ASB14: variants seen among roughly 807,000 people sequenced by gnomAD.
ASB14 encodes ankyrin repeat and SOCS box protein 14.
In ASB14, 63 loss-of-function variants were observed where a neutral mutation model predicts 55.6. The observed-to-expected ratio is 1.13, with a 90% CI of 0.92 to 1.40. ASB14 has a LOEUF of 1.40. Among genes scored for constraint, ASB14 ranks in the 40% most tolerant of loss-of-function variants. ASB14 has a pLI of 0.00. For synonymous variants in ASB14, 256 were observed against 259.9 expected, an observed-to-expected ratio of 0.98 and a Z score of 0.15; for missense variants, 724 against 710.4, an observed-to-expected ratio of 1.02 and a Z score of -0.22.
At chr3:57,271,743 G>T (rs1472821709) in intron 10 of ASB14, 1 of 152,184 alleles carries the variant, frequency 6.6e-6, no homozygotes, top group Non-Finnish European at 1.5e-5. Flanking sequence ...AGGGATGCTG[G>T]ACAGACCTGT....
intron 10 of ASB14, chr3:57,273,048 A>G (rs978659273): frequency 6.6e-6 from 1 of 152,650 alleles, no homozygotes; most frequent in African/African-American, 2.4e-5. Flanking sequence ...GTCTTTCTAC[A>G]TTAACTAGTA....
chr3:57,283,137 A>T (rs1559522747), intron 6 of ASB14, 57 bp downstream of exon 6: 1 of 1,534,308 alleles, frequency 6.5e-7, no homozygotes, highest in East Asian at 2.5e-5. Flanking sequence ...CATTAAGAGG[A>T]GAACCCCTGG....
intron 2 of ASB14, among the ~76,000 whole-genome samples, chr3:57,291,416 C>T (rs973586722): frequency 6.6e-6 from 1 of 152,056 alleles, no homozygotes; most frequent in Non-Finnish European, 1.5e-5. Flanking sequence ...TCCCACTGGT[C>T]CTTTTTCAGT....
intron 2 of ASB14, among the ~76,000 whole-genome samples, chr3:57,289,649 T>C (rs1214428866): frequency 6.6e-6 from 1 of 152,002 alleles, no homozygotes; most frequent in Admixed American, 6.6e-5. Context: ...ATGAAACTTA[T>C]TTTAAAACCT....
intron 7 of ASB14, among the ~76,000 whole-genome samples, chr3:57,279,138 C>A (rs1328610846): frequency 1.3e-5 from 2 of 151,712 alleles, no homozygotes; most frequent in Non-Finnish European, 2.9e-5. Context: ...AGAATTAGCT[C>A]AGAGGCCTGA....
rs767359318 is a variant in ASB14 at position 57,268,423 on chromosome 3, AAGAAAT to A, written c.*1212_*1217del. The A allele has an allele frequency of 1.3e-6, 2 of 1,599,366 alleles. No individual in the cohort carries two copies. Among genetic ancestry groups the A allele is most frequent in the Admixed American group, 1.7e-5 (1 of 58,332 alleles). On this transcript the variant is annotated 3_prime_UTR_variant, in exon 11 of 11. Coordinates refer to ENST00000487349, the MANE Select transcript of ASB14 (RefSeq NM_001142733.3). ...GATCGTAGGGCATCAGAAAAACAAA[AAGAAAT>A]AGAGAGAGTAAAAGAGAAGCAACAG...
At position 57,291,992 on chromosome 3, in the gene ASB14, A is replaced by G. The variant is rs2061136130; in HGVS notation, c.42T>C (p.Phe14=). ...TCTGTTGAATGATGAGCTGGGTGTC[A>G]AAGTCTTCATCTATGTCTTCATCGC... ...YTSDEDIDED[F]DTQLIIQQSL... is the part of the protein sequence containing the mutation. The change falls in exon 2 of 11, where the codon TTT becomes TTC. Residue 14 remains phenylalanine, a synonymous_variant. Coordinates refer to ENST00000487349, the MANE Select transcript of ASB14 (RefSeq NM_001142733.3). 1 of 1,534,996 alleles carries G rather than the reference A, an allele frequency of 6.5e-7. No individual in the cohort carries two copies. Among genetic ancestry groups the G allele is most frequent in the Admixed American group, 2.0e-5 (1 of 50,968 alleles).
At chr3:57,288,736 AC>A (rs2061102270) in intron 3 of ASB14, among the ~76,000 whole-genome samples, 1 of 64,788 alleles carries the variant, frequency 1.5e-5, no homozygotes, top group Non-Finnish European at 3.4e-5. Context: ...TTTTTGTGAG[AC>A]GGAGTCTCGC....
Position 57,288,002 on chromosome 3 carries a change from A to C in ASB14, c.368T>G (p.Leu123Trp). 6.5e-7 allele frequency: 1 copy of C among 1,537,128 alleles called. No individual in the cohort carries two copies. Among genetic ancestry groups the C allele is most frequent in the Non-Finnish European group, 8.7e-7 (1 of 1,146,744 alleles). Residue 123 changes from leucine to tryptophan, a missense_variant, in exon 5 of 11, where the codon TTG (leucine) becomes TGG (tryptophan). Leu to Trp is a moderately conservative substitution (Grantham distance 61). Coordinates refer to ENST00000487349, the MANE Select transcript of ASB14 (RefSeq NM_001142733.3). ...TTCTAAGAGGCAACTGCTGACAGCC[A>C]AAAAAAGTGGCGTTTCACCATTGTG... ...TTHNGETPLF[L>W]AVSSCLLENA... is the part of the protein sequence containing the mutation.
At chr3:57,277,291 T>G (rs2060997843) in intron 9 of ASB14, among the ~76,000 whole-genome samples, 1 of 151,936 alleles carries the variant, frequency 6.6e-6, no homozygotes, top group Non-Finnish European at 1.5e-5. Flanking sequence ...TCTGTGTGTT[T>G]TAGCCCCCTC....
rs182874453 is a variant in ASB14 at position 57,274,885 on chromosome 3, G to T, written c.*22+1643C>A. On this transcript the variant is annotated intron_variant, in intron 10 of 10. Transcript: ENST00000487349. ...CCGGTAAATGGTCAGCCATAGCCAGGATTTTGTGGAAAGAAGGGACACACA... is the reference window on the plus strand; with the variant it reads ...CCGGTAAATGGTCAGCCATAGCCAGTATTTTGTGGAAAGAAGGGACACACA... Among the ~76,000 whole-genome samples, 4 of 152,228 alleles carry T rather than the reference G, an allele frequency of 2.6e-5. No homozygotes were observed. The East Asian group carries it at 7.7e-4, about 29-fold the overall frequency.
intron 10 of ASB14, among the ~76,000 whole-genome samples, chr3:57,273,773 A>G (rs1430552015): frequency 6.6e-6 from 1 of 152,184 alleles, no homozygotes; most frequent in African/African-American, 2.4e-5. Context: ...GTTATTGTGC[A>G]TACCACAGTA....
At chr3:57,280,501 C>G in intron 6 of ASB14, 28 bp from the exon 7 acceptor site, 1 of 1,522,300 alleles carries the variant, frequency 6.6e-7, no homozygotes, top group African/African-American at 1.4e-5. Context: ...CTTGTTAATG[C>G]AAAAATTATT....
intron 2 of ASB14, among the ~76,000 whole-genome samples, chr3:57,290,218 A>G (rs980181455): frequency 8.5e-5 from 13 of 152,320 alleles, no homozygotes; most frequent in African/African-American, 2.4e-4. Context: ...TCAAGATGTC[A>G]GCAGGGCTCT....
rs1159479338 is a variant in ASB14 at position 57,268,522 on chromosome 3, G to A, written c.*1119C>T. 2 of 1,545,662 alleles carry A rather than the reference G, an allele frequency of 1.3e-6. No homozygotes were observed. Among genetic ancestry groups the A allele is most frequent in the East Asian group, 2.3e-5 (1 of 44,178 alleles). ...CCTAATGTCTGGATCTTTATGTGTT[G>A]TTTGTGAAGACTTAATTCAGCACTA... On this transcript the variant is annotated 3_prime_UTR_variant, in exon 11 of 11. Coordinates refer to ENST00000487349, the MANE Select transcript of ASB14 (RefSeq NM_001142733.3).
intron 2 of ASB14, among the ~76,000 whole-genome samples, chr3:57,290,121 G>C (rs1417894246): frequency 6.6e-6 from 1 of 152,230 alleles, no homozygotes; most frequent in Non-Finnish European, 1.5e-5. Context: ...CACACACTTA[G>C]TGGCTTAAAA....
intron 7 of ASB14, among the ~76,000 whole-genome samples, 159 bp downstream of exon 7, chr3:57,280,143 G>A (rs558508990): frequency 1.6e-4 from 16 of 103,100 alleles, no homozygotes; most frequent in South Asian, 7.0e-4. Flanking sequence ...AGCACCTGGC[G>A]ACAGAGGGAG....
chr3:57,275,769 G>A (rs182370459), intron 10 of ASB14, among the ~76,000 whole-genome samples: 4 of 152,296 alleles, frequency 2.6e-5, no homozygotes, highest in Non-Finnish European at 2.9e-5. Context: ...TAGGCCATGT[G>A]TTATATAGCC....
At chr3:57,280,589 A>C in intron 6 of ASB14, 116 bp from the exon 7 acceptor site, 1 of 780,352 alleles carries the variant, frequency 1.3e-6, no homozygotes, top group African/African-American at 1.7e-5. Flanking sequence ...CACTCTAGCA[A>C]AGCACCAAGA....
Sources: allele counts gnomAD v4.1 joint callset (sites outside exome capture counted in the v4.1 genomes callset), GRCh38; gene constraint gnomAD v4.1.1; transcripts MANE v1.5; gene names NCBI Gene and HGNC (gene_info 2026-07-23, HGNC 2026-07-21).